Variants in TFAP2E observed in about 807,000 individuals in gnomAD.
TFAP2E encodes transcription factor AP-2-epsilon.
TFAP2E carries 30 observed loss-of-function variants against 37.9 expected under a neutral mutation model. The observed-to-expected ratio is 0.79, with a 90% CI of 0.59 to 1.07. The LOEUF (loss-of-function observed/expected upper bound fraction) is 1.07, where lower values mean the gene tolerates loss of function less well. TFAP2E is among the 50% of genes least tolerant of loss of function. The probability of loss-of-function intolerance (pLI) is 0.00; values close to 1 mark genes in which losing one functional copy is unlikely to be tolerated. For synonymous variants in TFAP2E, 318 were observed against 295.8 expected (o/e 1.08, Z -0.77); for missense variants, 567 against 637.9 (o/e 0.89, Z 1.20).
At chr1:35,581,764 G>T (rs1571101946) in intron 3 of TFAP2E, among the ~76,000 whole-genome samples, 1 of 151,808 alleles carries the variant, frequency 6.6e-6, no homozygotes. Context: ...TAGAGACGGG[G>T]TTTCTCCATG....
At position 35,588,868 on chromosome 1, in the gene TFAP2E, C is replaced by T. The variant is rs1001380443; in HGVS notation, c.785+316C>T. Among the ~76,000 whole-genome samples, 7 of 152,134 alleles carry T rather than the reference C, an allele frequency of 4.6e-5. No homozygotes were observed. The highest frequency in any genetic ancestry group is 1.4e-4 in the African/African-American group (6 of 41,430). On this transcript the variant is annotated intron_variant, in intron 4 of 6. Coordinates refer to ENST00000373235, the MANE Select transcript of TFAP2E (RefSeq NM_178548.4). This position sits in a 1 kb window ranked among gnomAD's most constrained non-coding sequence, Gnocchi z 5.1. ...GAAGAGAGAGGGCCATCCTCACCCC[C>T]TCTTCTAGGAAATGAACCCCAGGAC...
At position 35,590,420 on chromosome 1, in the gene TFAP2E, C is replaced by T. The variant is rs546193170; in HGVS notation, c.905-214C>T. Among the ~76,000 whole-genome samples, 1 of 152,084 alleles carries T rather than the reference C, an allele frequency of 6.6e-6. No homozygotes were observed. Among genetic ancestry groups the T allele is most frequent in the East Asian group, 1.9e-4 (1 of 5,162 alleles). The stretch of plus-strand genomic sequence containing the variant: ...GGTGCCTCTGGAATACATGGTGGGC[C>T]CAGCTCCCATCTCTGAGCTCAGAGC... On this transcript the variant is annotated intron_variant, in intron 5 of 6. Coordinates refer to ENST00000373235, the MANE Select transcript of TFAP2E (RefSeq NM_178548.4). The surrounding 1 kb of genome is among the most constrained non-coding windows in gnomAD (Gnocchi z 6.2).
Position 35,574,137 on chromosome 1 carries a change from G to T in TFAP2E, c.238G>T (p.Ala80Ser). 6.9e-7 allele frequency: 1 copy of T among 1,449,846 alleles called. No individual in the cohort carries two copies. Among genetic ancestry groups the T allele is most frequent in the Non-Finnish European group, 9.1e-7 (1 of 1,102,508 alleles). The allele number at this position is 1,449,846 out of a possible 1,614,324, so 89.8% of individuals were successfully genotyped here. ...CGCCGCCGCAGCCTTTCCCCACCTGGCAGGGGACCCATATGGCGGCCTGGC... is the reference window on the plus strand; with the variant it reads ...CGCCGCCGCAGCCTTTCCCCACCTGTCAGGGGACCCATATGGCGGCCTGGC... ...PDAAAAFPHL[A>S]GDPYGGLAPL... Residue 80 changes from alanine to serine, a missense_variant, in exon 2 of 7, where the codon GCA becomes TCA. This residue lies in a region of TFAP2E where 312 missense variants were observed against 317.4 expected (regional missense o/e 0.98). Transcript: ENST00000373235.
At position 35,573,785 on chromosome 1, in the gene TFAP2E, G is replaced by C; in HGVS notation, c.28-142G>C. 7.3e-7 allele frequency: 1 copy of C among 1,373,128 alleles called. No individual in the cohort carries two copies. The highest frequency in any genetic ancestry group is 9.5e-7 in the Non-Finnish European group (1 of 1,053,882). 85.1% of individuals were successfully genotyped at this position (1,373,128 alleles called of 1,614,324 possible). On this transcript the variant is annotated intron_variant, in intron 1 of 6. Transcript: ENST00000373235. This position sits in a 1 kb window ranked among gnomAD's most constrained non-coding sequence, Gnocchi z 5.9. ...TCCCCAGCCTGAGGCTCCTGCGCCCGCGGGTGGCTCGGAAATAAACCTCGG... is the reference window on the plus strand; with the variant it reads ...TCCCCAGCCTGAGGCTCCTGCGCCCCCGGGTGGCTCGGAAATAAACCTCGG...
intron 6 of TFAP2E, among the ~76,000 whole-genome samples, chr1:35,591,027 TG>T (rs1649656095): frequency 6.6e-6 from 1 of 152,004 alleles, no homozygotes; most frequent in Non-Finnish European, 1.5e-5. Flanking sequence ...CGCGCCACTG[TG>T]TACACGAGCA....
At chr1:35,592,549 C>T (rs1649718566) in intron 6 of TFAP2E, among the ~76,000 whole-genome samples, 1 of 152,108 alleles carries the variant, frequency 6.6e-6, no homozygotes, top group Non-Finnish European at 1.5e-5. Context: ...AGGTGCCTGC[C>T]ACCACATCTG....
intron 3 of TFAP2E, among the ~76,000 whole-genome samples, chr1:35,580,260 T>C (rs1649311251): frequency 6.6e-6 from 1 of 151,944 alleles, no homozygotes. Flanking sequence ...GAAGGAAACT[T>C]AATCGGCAGG....
intron 3 of TFAP2E, among the ~76,000 whole-genome samples, chr1:35,582,385 A>G (rs975917150): frequency 7.9e-5 from 12 of 151,810 alleles, no homozygotes; most frequent in African/African-American, 2.9e-4. Context: ...TTTATATAAT[A>G]TATTCTGAAT....
intron 3 of TFAP2E, among the ~76,000 whole-genome samples, chr1:35,583,603 A>AGTGTGTGTGTGTGTGTGTGT (rs201106841): frequency 7.3e-6 from 1 of 137,914 alleles, no homozygotes; most frequent in African/African-American, 2.6e-5. Context: ...TGTCTGCAGG[A>AGTGTGTGTGTGTGTGTGTGT]GTGTGTGTGT....
rs1420223709 is a variant in TFAP2E, at chr1:35,588,921, G to T, written c.785+369G>T. ...GAGGCCCATTCTGCGCGGCAGCATA[G>T]GCCCTGTGTGTTTTGGGGTGTGGAG... On this transcript the variant is annotated intron_variant, in intron 4 of 6. Coordinates refer to ENST00000373235, the MANE Select transcript of TFAP2E (RefSeq NM_178548.4). This position sits in a 1 kb window ranked among gnomAD's most constrained non-coding sequence, Gnocchi z 5.1. 1.3e-5 allele frequency among the ~76,000 whole-genome samples: 2 copies of T among 152,166 alleles called. No individual in the cohort carries two copies. Among genetic ancestry groups the T allele is most frequent in the African/African-American group, 4.8e-5 (2 of 41,430 alleles).
In TFAP2E at chr1:35,590,374, C is replaced by G. The variant is rs887651331; in HGVS notation, c.905-260C>G. ...TGTGGTAAAGGGATGAAGGGGGTGA[C>G]AGCCCCCTCCCCTGGAGGTTGGTGC... On this transcript the variant is annotated intron_variant, in intron 5 of 6. Transcript: ENST00000373235. This position sits in a 1 kb window ranked among gnomAD's most constrained non-coding sequence, Gnocchi z 6.2. Among the ~76,000 whole-genome samples the G allele has an allele frequency of 6.6e-6, 1 of 151,966 alleles. No individual in the cohort carries two copies. Among genetic ancestry groups the G allele is most frequent in the Non-Finnish European group, 1.5e-5 (1 of 67,952 alleles).
Position 35,590,804 on chromosome 1 carries a change from C to T in TFAP2E, c.1046+29C>T, listed in dbSNP as rs776124383. 5.8e-6 allele frequency: 8 copies of T among 1,384,350 alleles called. No individual in the cohort carries two copies. Among genetic ancestry groups the T allele is most frequent in the South Asian group, 1.8e-5 (1 of 55,046 alleles). 85.8% of individuals were successfully genotyped at this position (1,384,350 alleles called of 1,614,324 possible). A position where few individuals can be genotyped will look rare whatever the true frequency, so the allele number is the denominator to read the frequency against. On this transcript the variant is annotated intron_variant, in intron 6 of 6. Transcript: ENST00000373235. The surrounding 1 kb of genome is among the most constrained non-coding windows in gnomAD (Gnocchi z 6.2). Reference sequence around the variant, plus strand: ...AGTGAGGGCACCCTGCACAGGCACACGTGGGTGCCATGCACAGACAGACAT... The same window carrying T: ...AGTGAGGGCACCCTGCACAGGCACATGTGGGTGCCATGCACAGACAGACAT...
chr1:35,584,020 T>A (rs1447657509), intron 3 of TFAP2E, among the ~76,000 whole-genome samples: 1 of 152,216 alleles, frequency 6.6e-6, no homozygotes, highest in African/African-American at 2.4e-5. Flanking sequence ...TATCCATATC[T>A]AGGCTACCAC....
intron 3 of TFAP2E, among the ~76,000 whole-genome samples, chr1:35,586,951 G>A (rs578170871): frequency 2.0e-4 from 30 of 152,312 alleles, no homozygotes; most frequent in Middle Eastern, 3.4e-3. Flanking sequence ...GTTTGCTACC[G>A]GTTCTCCGTC....
chr1:35,591,488 C>T (rs1205203993), intron 6 of TFAP2E, among the ~76,000 whole-genome samples: 2 of 152,198 alleles, frequency 1.3e-5, no homozygotes, highest in African/African-American at 4.8e-5. Flanking sequence ...CTACCGTTCA[C>T]ATGCTGCCAC....
rs1481427774 is a variant in TFAP2E at position 35,588,291 on chromosome 1, G to A, written c.563-39G>A. The A allele has an allele frequency of 1.3e-6, 2 of 1,569,764 alleles. No homozygotes were observed. On this transcript the variant is annotated intron_variant, in intron 3 of 6. Transcript: ENST00000373235. The surrounding 1 kb of genome is among the most constrained non-coding windows in gnomAD (Gnocchi z 5.1). The stretch of plus-strand genomic sequence containing the variant: ...GACCCTCCCTTGAGTGGGGCTGTGT[G>A]CGGCAGCCACTGGCTCAGCGTTTCC...
At chr1:35,579,524 A>G (rs929282081) in intron 3 of TFAP2E, among the ~76,000 whole-genome samples, 7 of 151,928 alleles carry the variant, frequency 4.6e-5, no homozygotes, top group African/African-American at 1.7e-4. Context: ...CCTCCCAAGT[A>G]GCTGGGATTA....
chr1:35,575,029 C>G (rs750374470), intron 3 of TFAP2E, 29 bp downstream of exon 3: 1 of 1,613,438 alleles, frequency 6.2e-7, no homozygotes, highest in African/African-American at 1.3e-5. Flanking sequence ...GGGCAGAGCC[C>G]GGCGAGATGG....
chr1:35,574,821 G>A lies in TFAP2E; in HGVS notation c.511-128G>A, dbSNP rs187525267. On this transcript the variant is annotated intron_variant, in intron 2 of 6. Transcript: ENST00000373235. ...GACATAGCGATTCCTGGGCCTGCCC[G>A]TCGCCGCCCCAAGCGAAGCTGGTGC... 2,160 of 1,267,326 alleles carry A rather than the reference G, an allele frequency of 1.7e-3. 1 individual carries two copies. The highest frequency in any genetic ancestry group is 2.0e-3 in the Admixed American group (114 of 56,888). 78.5% of individuals were successfully genotyped at this position (1,267,326 alleles called of 1,614,324 possible). A position where few individuals can be genotyped will look rare whatever the true frequency, so the allele number is the denominator to read the frequency against.
Sources: allele counts gnomAD v4.1 joint callset (sites outside exome capture counted in the v4.1 genomes callset), GRCh38; gene constraint gnomAD v4.1.1; regional missense constraint gnomAD v4.1.1; non-coding constraint Gnocchi (gnomAD v3.1); transcripts MANE v1.5; gene names NCBI Gene and HGNC (gene_info 2026-07-23, HGNC 2026-07-21).